TRAPPC3L: variants seen among roughly 807,000 people sequenced by gnomAD.
TRAPPC3L encodes the protein trafficking protein particle complex subunit 3-like protein.
A neutral mutation model predicts 23.7 loss-of-function variants in TRAPPC3L; 23 were observed. The ratio of observed to expected loss-of-function variants is 0.97; its 90% CI spans 0.70 to 1.37. The LOEUF is 1.37. Ranked by LOEUF, TRAPPC3L falls within the 40% of genes most tolerant of loss-of-function variation. TRAPPC3L has a pLI of 0.00. For missense variants in TRAPPC3L, 212 were observed against 216.8 expected (o/e 0.98, Z 0.14); for synonymous variants, 81 against 77.9 (o/e 1.04, Z -0.21).
chr6:116,531,112 G>C (rs975031796), intron 3 of TRAPPC3L, among the ~76,000 whole-genome samples: 2 of 151,946 alleles, frequency 1.3e-5, no homozygotes, highest in African/African-American at 4.8e-5. Flanking sequence ...TAATGGATTA[G>C]GGTGGGCATT....
At chr6:116,508,234 G>A (rs1160293055) in intron 3 of TRAPPC3L, among the ~76,000 whole-genome samples, 1 of 152,178 alleles carries the variant, frequency 6.6e-6, no homozygotes, top group Non-Finnish European at 1.5e-5. Context: ...GGCACACAGT[G>A]GGAGTTCAAT....
At chr6:116,503,999 A>G (rs1187040748) in intron 3 of TRAPPC3L, among the ~76,000 whole-genome samples, 1 of 152,234 alleles carries the variant, frequency 6.6e-6, no homozygotes, top group East Asian at 1.9e-4. Flanking sequence ...GAAAGCTAGT[A>G]GAAGACAAGA....
intron 3 of TRAPPC3L, among the ~76,000 whole-genome samples, chr6:116,503,059 A>G (rs1361702001): frequency 6.6e-6 from 1 of 152,222 alleles, no homozygotes; most frequent in African/African-American, 2.4e-5. Context: ...AAATGCCCCA[A>G]TTAAAAGACA....
rs1773734668 is a variant in TRAPPC3L, at chr6:116,545,588, T to C, written c.-74A>G. 4.4e-6 allele frequency: 6 copies of C among 1,376,076 alleles called. No homozygotes were observed. The highest frequency in any genetic ancestry group is 6.0e-6 in the Non-Finnish European group (6 of 1,004,468). The allele number at this position is 1,376,076 out of a possible 1,614,324, so 85.2% of individuals were successfully genotyped here. A position where few individuals can be genotyped will look rare whatever the true frequency, so the allele number is the denominator to read the frequency against. The stretch of plus-strand genomic sequence containing the variant: ...TGTTTCTTAGAGGTGTATCAGTCCA[T>C]GTCTTTTTGTTTTGTTTTTGTAAGC... On this transcript the variant is annotated 5_prime_UTR_variant, in exon 1 of 5. An upstream start codon of the reference 5' UTR is lost. Transcript: ENST00000368602.
Position 116,511,991 on chromosome 6 carries a change from G to A in TRAPPC3L, c.241-11325C>T. On this transcript the variant is annotated intron_variant, in intron 3 of 4. Transcript: ENST00000368602. ...AGGCCACAGCTGCCGTTTCTTCTACGTCCTCGGCCAGATCACTCTGAGCTC... is the reference window on the plus strand; with the variant it reads ...AGGCCACAGCTGCCGTTTCTTCTACATCCTCGGCCAGATCACTCTGAGCTC... The A allele has an allele frequency of 1.9e-6, 3 of 1,613,984 alleles. No homozygotes were observed. In the South Asian group the frequency reaches 3.3e-5, roughly 18 times the overall value.
chr6:116,512,287 C>T, intron 3 of TRAPPC3L: 1 of 1,522,552 alleles, frequency 6.6e-7, no homozygotes, highest in East Asian at 2.3e-5. Flanking sequence ...TCGAAGTATT[C>T]TCTCTGTGCT....
chr6:116,501,166 T>C (rs979693963), intron 3 of TRAPPC3L, among the ~76,000 whole-genome samples: 8 of 152,228 alleles, frequency 5.3e-5, no homozygotes, highest in African/African-American at 1.9e-4. Context: ...AGTCTTCGCA[T>C]CTGCAGGAAC....
intron 2 of TRAPPC3L, among the ~76,000 whole-genome samples, chr6:116,541,802 C>T (rs546549152): frequency 1.0e-3 from 156 of 151,942 alleles, no homozygotes; most frequent in African/African-American, 3.7e-3. Context: ...GAAGCCAAAA[C>T]GTTATGAGCT....
At chr6:116,530,627 C>G (rs1356294834) in intron 3 of TRAPPC3L, among the ~76,000 whole-genome samples, 1 of 152,120 alleles carries the variant, frequency 6.6e-6, no homozygotes, top group Non-Finnish European at 1.5e-5. Context: ...TGCTAATGGT[C>G]TAAAATATTT....
intron 3 of TRAPPC3L, among the ~76,000 whole-genome samples, chr6:116,503,313 A>G (rs574876775): frequency 1.3e-3 from 197 of 152,366 alleles, no homozygotes; most frequent in Admixed American, 3.5e-3. Context: ...TCAATTCAAC[A>G]AGAAGAGCTA....
rs1005263524 is a variant in TRAPPC3L, at chr6:116,543,353, C to T, written c.90G>A (p.Leu30=). 1.9e-5 allele frequency: 30 copies of T among 1,549,892 alleles called. No individual in the cohort carries two copies. Among genetic ancestry groups the T allele is most frequent in the Admixed American group, 7.9e-5 (4 of 50,916 alleles). The change falls in exon 2 of 5, where the codon CTG becomes CTA. Residue 30 remains leucine (L), a synonymous_variant. Coordinates refer to ENST00000368602, the MANE Select transcript of TRAPPC3L (RefSeq NM_001139444.3). The part of the protein sequence containing the change: ...VLTYGALVAQ[L]CKDYEKDEDV... ...CTTCATCCTTCTCATAATCCTTACA[C>T]AGCTGGGCAACCAGAGCTCCATAGG...
chr6:116,516,193 G>A (rs1772221634), intron 3 of TRAPPC3L: 1 of 566,630 alleles, frequency 1.8e-6, no homozygotes, highest in East Asian at 3.2e-5. Context: ...TGACAAAGGT[G>A]CTCTTGCATT....
intron 4 of TRAPPC3L, among the ~76,000 whole-genome samples, chr6:116,499,495 AATTTCC>A (rs1771881082): frequency 6.6e-6 from 1 of 152,214 alleles, no homozygotes. Flanking sequence ...TAAAAATCTG[AATTTCC>A]AAGCTTGTCA....
chr6:116,536,456 C>T (rs189492996), intron 3 of TRAPPC3L, among the ~76,000 whole-genome samples: 1 of 152,326 alleles, frequency 6.6e-6, no homozygotes, highest in East Asian at 1.9e-4. Context: ...CCTGAAGTTA[C>T]ACAGTCCTTC....
Position 116,500,461 on chromosome 6 carries a change from C to A in TRAPPC3L, c.426+20G>T. 1 of 1,535,746 alleles carries A rather than the reference C, an allele frequency of 6.5e-7. No homozygotes were observed. Among genetic ancestry groups the A allele is most frequent in the East Asian group, 2.5e-5 (1 of 40,760 alleles). On this transcript the variant is annotated intron_variant, in intron 4 of 4. Transcript: ENST00000368602. ...AGGACTAAGAGATTCTTCATTCATT[C>A]TTCACTTATTCAACTTTACCATTTC...
intron 3 of TRAPPC3L, chr6:116,516,860 G>A (rs1342633276): frequency 1.3e-5 from 2 of 151,778 alleles, no homozygotes; most frequent in Admixed American, 6.6e-5. Flanking sequence ...TGGTCCTTAG[G>A]CACAGTGCTT....
chr6:116,529,264 C>T (rs1772550490), intron 3 of TRAPPC3L: 1 of 152,278 alleles, frequency 6.6e-6, no homozygotes, highest in Non-Finnish European at 1.5e-5. Flanking sequence ...GGGTTTCCTA[C>T]TTCAATCTTT....
In TRAPPC3L at chr6:116,500,380, C is replaced by T. The variant is rs1481573667; in HGVS notation, c.426+101G>A. 4.5e-6 allele frequency: 5 copies of T among 1,108,316 alleles called. 1 individual carries two copies. In the Admixed American group the frequency reaches 1.4e-4, roughly 31 times the overall value. 68.7% of individuals were successfully genotyped at this position (1,108,316 alleles called of 1,614,324 possible). ...TAATTTGTAACACACCATTAGATAA[C>T]CAATATACCCAGCAAAATGAATTAT... On this transcript the variant is annotated intron_variant, in intron 4 of 4. Transcript: ENST00000368602.
intron 3 of TRAPPC3L, chr6:116,511,586 G>T: frequency 1.0e-6 from 1 of 953,202 alleles, no homozygotes; most frequent in Non-Finnish European, 1.6e-6. Flanking sequence ...GCTCAATTCA[G>T]TCTGAGAAGG....
Sources: allele counts gnomAD v4.1 joint callset (sites outside exome capture counted in the v4.1 genomes callset), GRCh38; gene constraint gnomAD v4.1.1; transcripts MANE v1.5; gene names NCBI Gene and HGNC (gene_info 2026-07-23, HGNC 2026-07-21).